ARID4B: variants seen among roughly 807,000 people sequenced by gnomAD.
ARID4B encodes AT-rich interactive domain-containing protein 4B.
A neutral mutation model predicts 147.5 loss-of-function variants in ARID4B; 26 were observed. That is an observed-to-expected ratio of 0.18 (90% CI 0.13 to 0.24). The LOEUF (loss-of-function observed/expected upper bound fraction) is 0.24, where lower values mean the gene tolerates loss of function less well. ARID4B is among the 10% of genes least tolerant of loss of function. The pLI, the probability that ARID4B is intolerant of heterozygous loss-of-function variation, is 1.00. For synonymous variants in ARID4B, 512 were observed against 507.9 expected (o/e 1.01, Z -0.11); for missense variants, 1,179 against 1,511.5 (o/e 0.78, Z 3.65).
In ARID4B at chr1:235,203,090, C is replaced by T. The variant is rs117291677; in HGVS notation, c.1842-6975G>A. ...AAACGTGAAACTTTCTGAAAGAAGC[C>T]ACCACACAAATATTTGATTTTTCAA... On this transcript the variant is annotated intron_variant, in intron 17 of 23. Coordinates refer to ENST00000264183, the MANE Select transcript of ARID4B (RefSeq NM_016374.6). 4.2e-4 allele frequency among the ~76,000 whole-genome samples: 64 copies of T among 152,254 alleles called. No homozygotes were observed. In the East Asian group the frequency reaches 0.01, roughly 25 times the overall value.
intron 2 of ARID4B, among the ~76,000 whole-genome samples, chr1:235,323,956 AGTT>A (rs1675036585): frequency 6.8e-6 from 1 of 147,810 alleles, no homozygotes; most frequent in African/African-American, 2.5e-5. Context: ...CCGAGGCTGG[AGTT>A]CAGTGGCGCA....
intron 16 of ARID4B, among the ~76,000 whole-genome samples, chr1:235,216,571 G>A (rs1052498016): frequency 6.6e-6 from 1 of 152,088 alleles, no homozygotes; most frequent in African/African-American, 2.4e-5. Context: ...TCGAACTCCT[G>A]ACCTCAGGTG....
intron 23 of ARID4B, among the ~76,000 whole-genome samples, chr1:235,171,163 G>A (rs1333498299): frequency 6.6e-6 from 1 of 152,060 alleles, no homozygotes; most frequent in Non-Finnish European, 1.5e-5. Flanking sequence ...CAGTCGCAGT[G>A]GCTCATGCCT....
intron 17 of ARID4B, among the ~76,000 whole-genome samples, chr1:235,206,137 C>T (rs962754729): frequency 6.6e-6 from 1 of 152,156 alleles, no homozygotes; most frequent in Non-Finnish European, 1.5e-5. Context: ...TTTAGTTCAA[C>T]ATTCATTTAG....
chr1:235,174,050 T>C (rs1288649556), intron 22 of ARID4B, among the ~76,000 whole-genome samples: 2 of 151,400 alleles, frequency 1.3e-5, no homozygotes, highest in East Asian at 1.9e-4. Flanking sequence ...ATCTTTTTTT[T>C]TTTTTCTGGG....
chr1:235,186,016 TTGGAGTGCAG>T (rs1558180319), intron 19 of ARID4B, among the ~76,000 whole-genome samples: 2 of 151,264 alleles, frequency 1.3e-5, no homozygotes, highest in Admixed American at 6.6e-5. Flanking sequence ...TGTCATCAGG[TTGGAGTGCAG>T]TGGTGCAATC....
intron 7 of ARID4B, among the ~76,000 whole-genome samples, chr1:235,244,633 G>A (rs1016845777): frequency 3.3e-5 from 5 of 152,080 alleles, no homozygotes; most frequent in South Asian, 2.1e-4. Context: ...TAACTGATAC[G>A]TGGAATAACA....
In ARID4B at chr1:235,224,747, C is replaced by T; in HGVS notation, c.926G>A (p.Arg309Lys). 2 of 1,598,466 alleles carry T rather than the reference C, an allele frequency of 1.3e-6. No individual in the cohort carries two copies. The highest frequency in any genetic ancestry group is 8.6e-7 in the Non-Finnish European group (1 of 1,168,488). The change falls in exon 12 of 24, where the codon AGG (arginine) becomes AAG (lysine). Residue 309 changes from arginine to lysine, a missense_variant. This residue lies in a region of ARID4B where 159 missense variants were observed against 190.5 expected (regional missense o/e 0.83). Transcript: ENST00000264183. ...GTACAATTGCTGAAGAAAGTTCTCC[C>T]TTTCTTCTGGAAATGGTTCTATTTC... Reference protein sequence around the residue: ...EEEIEPFPEERENFLQQLYKF... With the variant: ...EEEIEPFPEEKENFLQQLYKF...
chr1:235,174,418 C>T (rs7339903), intron 22 of ARID4B, among the ~76,000 whole-genome samples: 71,427 of 152,044 alleles, frequency 0.47, 17,114 homozygotes, highest in South Asian at 0.6. Context: ...TTTATTCAAA[C>T]CGGGATCCAA....
chr1:235,172,851 A>G (rs1663466868), intron 22 of ARID4B, 87 bp from the exon 23 acceptor site: 1 of 1,155,332 alleles, frequency 8.7e-7, no homozygotes, highest in Non-Finnish European at 1.2e-6. Context: ...TGGCTGCTGA[A>G]TAAGGTTGAG....
intron 19 of ARID4B, among the ~76,000 whole-genome samples, chr1:235,189,032 A>G (rs552561619): frequency 3.9e-5 from 6 of 152,296 alleles, no homozygotes; most frequent in African/African-American, 1.4e-4. Flanking sequence ...TATTGCATCC[A>G]TCTATAAGAA....
intron 22 of ARID4B, among the ~76,000 whole-genome samples, chr1:235,173,141 C>T (rs1558164623): frequency 1.3e-5 from 2 of 151,680 alleles, no homozygotes; most frequent in Non-Finnish European, 2.9e-5. Context: ...GTCAGGAGTT[C>T]GATACCAGCC....
At chr1:235,308,586 T>C (rs1346097889) in intron 2 of ARID4B, among the ~76,000 whole-genome samples, 1 of 152,144 alleles carries the variant, frequency 6.6e-6, no homozygotes, top group Non-Finnish European at 1.5e-5. Flanking sequence ...CTGATTCTCC[T>C]GCCTCAGCCT....
chr1:235,299,406 G>A (rs1184172212), intron 2 of ARID4B, among the ~76,000 whole-genome samples: 1 of 152,156 alleles, frequency 6.6e-6, no homozygotes, highest in Admixed American at 6.6e-5. Context: ...TAGAGACGGG[G>A]TTTCTTGAAC....
chr1:235,255,388 G>A (rs10218590), intron 5 of ARID4B, among the ~76,000 whole-genome samples: 69,824 of 150,332 alleles, frequency 0.46, 16,462 homozygotes, highest in South Asian at 0.6. Flanking sequence ...TAAGATTGGG[G>A]AAAAAAAGAA....
Position 235,213,874 on chromosome 1 carries a change from T to C in ARID4B, c.1736A>G (p.Tyr579Cys), listed in dbSNP as rs745660287. 2 of 1,614,142 alleles carry C rather than the reference T, an allele frequency of 1.2e-6. No individual in the cohort carries two copies. Among genetic ancestry groups the C allele is most frequent in the Non-Finnish European group, 1.7e-6 (2 of 1,180,008 alleles). Residue 579 changes from tyrosine to cysteine, a missense_variant, in exon 17 of 24, where the codon TAT (tyrosine) becomes TGT (cysteine). Physicochemically the swap from Tyr to Cys is radical, Grantham distance 194. Around this residue, in one of 10 missense-constraint regions of ARID4B, gnomAD observed 28 missense variants for 67.6 expected, o/e 0.41. Coordinates refer to ENST00000264183, the MANE Select transcript of ARID4B (RefSeq NM_016374.6). ...CATTTTTTGATTTTTCCCTCGTCCATACCGCACTTGGACTTTCATGCCTGG... is the reference window on the plus strand; with the variant it reads ...CATTTTTTGATTTTTCCCTCGTCCACACCGCACTTGGACTTTCATGCCTGG... ...YPPGMKVQVR[Y>C]GRGKNQKMYE...
At chr1:235,275,778 G>T (rs1240786630) in intron 2 of ARID4B, among the ~76,000 whole-genome samples, 1 of 152,130 alleles carries the variant, frequency 6.6e-6, no homozygotes, top group South Asian at 2.1e-4. Context: ...TCAGAACTTA[G>T]ATCACATCTA....
rs762581626 is a variant in ARID4B, at chr1:235,255,714, C to T, written c.220G>A (p.Ala74Thr). The change falls in exon 5 of 24, where the codon GCA becomes ACA. Residue 74 changes from alanine to threonine, a missense_variant. Transcript: ENST00000264183. Reference protein sequence around the residue: ...AIVEVKNLDGAYQEAVINKLT... With the variant: ...AIVEVKNLDGTYQEAVINKLT... ...TTATTGATAACAGCTTCCTGATATG[C>T]ACCATCAAGATTCTTCACTTCCACA... The T allele has an allele frequency of 5.6e-6, 9 of 1,611,814 alleles. No homozygotes were observed. Among genetic ancestry groups the T allele is most frequent in the Middle Eastern group, 3.3e-4 (2 of 6,060 alleles).
At chr1:235,190,490 C>T (rs1334780471) in intron 19 of ARID4B, among the ~76,000 whole-genome samples, 1 of 150,726 alleles carries the variant, frequency 6.6e-6, no homozygotes, top group East Asian at 1.9e-4. Flanking sequence ...GACAGAAAAG[C>T]AAAAAATAAA....
Sources: allele counts gnomAD v4.1 joint callset (sites outside exome capture counted in the v4.1 genomes callset), GRCh38; gene constraint gnomAD v4.1.1; regional missense constraint gnomAD v4.1.1; transcripts MANE v1.5; gene names NCBI Gene and HGNC (gene_info 2026-07-23, HGNC 2026-07-21).